The following NEDD4L variants were observed in gnomAD, a reference collection of about 807,000 sequenced individuals.
NEDD4L encodes NEDD4 like E3 ubiquitin protein ligase.
A neutral mutation model predicts 148.9 loss-of-function variants in NEDD4L; 54 were observed. The observed-to-expected ratio is 0.36, with a 90% CI of 0.29 to 0.45. The LOEUF is 0.45. Among genes scored for constraint, NEDD4L ranks in the 20% least tolerant of loss-of-function variants. The pLI is 1.00. For missense variants in NEDD4L, 856 were observed against 1,233.8 expected (o/e 0.69, Z 4.59); for synonymous variants, 433 against 440.7 (o/e 0.98, Z 0.22).
At chr18:58,387,353 GCT>G in intron 26 of NEDD4L, 84 bp from the exon 27 acceptor site, 1 of 1,419,908 alleles carries the variant, frequency 7.0e-7, no homozygotes, top group Non-Finnish European at 9.3e-7. Flanking sequence ...TTTTTTTCTG[GCT>G]AACCAGAAAA....
At chr18:58,149,423 A>G in intron 1 of NEDD4L, 1 of 1,516,010 alleles carries the variant, frequency 6.6e-7, no homozygotes, top group Non-Finnish European at 8.9e-7. Flanking sequence ...CGGCAGTGGA[A>G]AGTTACCCTT....
intron 24 of NEDD4L, among the ~76,000 whole-genome samples, 199 bp downstream of exon 24, chr18:58,373,468 C>G (rs1321549573): frequency 6.6e-6 from 1 of 152,206 alleles, no homozygotes; most frequent in African/African-American, 2.4e-5. Context: ...TCTCTTCCAG[C>G]AAAGTTACAG....
At chr18:58,346,942 GGT>G (rs1274325578) in intron 16 of NEDD4L, among the ~76,000 whole-genome samples, 1 of 152,012 alleles carries the variant, frequency 6.6e-6, no homozygotes, top group African/African-American at 2.4e-5. Context: ...TGAGTGGCTC[GGT>G]GGGAGTCAGG....
At chr18:58,095,153 C>A (rs1052802697) in intron 1 of NEDD4L, among the ~76,000 whole-genome samples, 1 of 152,210 alleles carries the variant, frequency 6.6e-6, no homozygotes, top group Non-Finnish European at 1.5e-5. Context: ...TCCTTCCACT[C>A]CCAACTCACT....
chr18:58,349,581 A>T lies in NEDD4L; in HGVS notation c.1620A>T (p.Thr540=). The T allele has an allele frequency of 6.2e-7, 1 of 1,614,030 alleles. No individual in the cohort carries two copies. Among genetic ancestry groups the T allele is most frequent in the Non-Finnish European group, 8.5e-7 (1 of 1,179,874 alleles). The part of the protein sequence containing the change: ...LKFPVHMRSK[T]SLNPNDLGPL... ...TTCCAGTACATATGCGGTCAAAGAC[A>T]TCTTTAAACCCCAATGACCTTGGCC... Residue 540 remains threonine, a synonymous_variant, in exon 17 of 31, where the codon ACA becomes ACT. Transcript: ENST00000400345.
At chr18:58,192,796 A>T (rs1267307085) in intron 2 of NEDD4L, among the ~76,000 whole-genome samples, 2 of 152,214 alleles carry the variant, frequency 1.3e-5, no homozygotes, top group African/African-American at 4.8e-5. Flanking sequence ...GGAATTTATC[A>T]TCACTTGCTA....
chr18:58,344,543 A>C (rs1452389132), intron 16 of NEDD4L, among the ~76,000 whole-genome samples: 1 of 152,224 alleles, frequency 6.6e-6, no homozygotes, highest in African/African-American at 2.4e-5. Flanking sequence ...TGGCCTGCCA[A>C]GAGAATTTCT....
intron 11 of NEDD4L, among the ~76,000 whole-genome samples, chr18:58,333,366 G>C (rs1307179504): frequency 6.6e-6 from 1 of 151,626 alleles, no homozygotes; most frequent in Non-Finnish European, 1.5e-5. Context: ...TCTGAATATA[G>C]GATGCAACTG....
At chr18:58,255,069 G>A (rs1354765206) in intron 5 of NEDD4L, among the ~76,000 whole-genome samples, 2 of 152,166 alleles carry the variant, frequency 1.3e-5, no homozygotes, top group African/African-American at 2.4e-5. Context: ...TCCGTGTGGC[G>A]GAAGGTGGGA....
intron 24 of NEDD4L, among the ~76,000 whole-genome samples, chr18:58,377,030 G>A (rs149296067): frequency 6.3e-4 from 96 of 152,322 alleles, no homozygotes; most frequent in African/African-American, 2.0e-3. Context: ...TACCACAGAC[G>A]ACTTTGCATT....
intron 25 of NEDD4L, 127 bp downstream of exon 25, chr18:58,383,446 T>C: frequency 1.6e-6 from 1 of 618,936 alleles, no homozygotes. Context: ...TTCAACAAGG[T>C]AAGTTCTTTT....
At chr18:58,182,940 A>G (rs775630321) in intron 2 of NEDD4L, among the ~76,000 whole-genome samples, 3 of 152,044 alleles carry the variant, frequency 2.0e-5, no homozygotes, top group African/African-American at 7.2e-5. Context: ...CTCCTCCCTC[A>G]CTGCTGGGTC....
At chr18:58,234,275 C>G (rs1396301751) in intron 2 of NEDD4L, among the ~76,000 whole-genome samples, 1 of 134,714 alleles carries the variant, frequency 7.4e-6, no homozygotes, top group African/African-American at 2.9e-5. Flanking sequence ...TTCCTCCCTC[C>G]CTTCCCCCCT....
At chr18:58,271,268 A>C (rs571086680) in intron 5 of NEDD4L, among the ~76,000 whole-genome samples, 3 of 152,118 alleles carry the variant, frequency 2.0e-5, no homozygotes, top group Non-Finnish European at 4.4e-5. Context: ...TGAATTTCCT[A>C]CTGTGCTGTT....
chr18:58,343,159 C>A, intron 16 of NEDD4L, 56 bp downstream of exon 16: 1 of 1,458,304 alleles, frequency 6.9e-7, no homozygotes, highest in Non-Finnish European at 9.3e-7. Flanking sequence ...GGCATTAATT[C>A]CTTGATTTCC....
intron 2 of NEDD4L, among the ~76,000 whole-genome samples, chr18:58,173,057 A>C (rs1005360983): frequency 6.6e-6 from 1 of 152,162 alleles, no homozygotes; most frequent in Non-Finnish European, 1.5e-5. Context: ...TTGCTAAGTA[A>C]GATCTTAAAG....
chr18:58,315,824 C>T (rs912562574), intron 5 of NEDD4L, among the ~76,000 whole-genome samples, 158 bp from the exon 6 acceptor site: 3 of 152,280 alleles, frequency 2.0e-5, no homozygotes, highest in South Asian at 2.1e-4. Context: ...CCTGGTCTCC[C>T]GGGGTGTGGT....
intron 5 of NEDD4L, among the ~76,000 whole-genome samples, 171 bp from the exon 6 acceptor site, chr18:58,315,811 G>A (rs1165570858): frequency 1.3e-5 from 2 of 152,178 alleles, no homozygotes; most frequent in African/African-American, 4.8e-5. Context: ...AGGCGCACGG[G>A]CTCCTGGTCT....
chr18:58,394,047 C>T (rs2050164175), intron 30 of NEDD4L, among the ~76,000 whole-genome samples: 1 of 152,190 alleles, frequency 6.6e-6, no homozygotes, highest in South Asian at 2.1e-4. Context: ...ATGCATCTTC[C>T]ACGTGAGGAC....
Sources: allele counts gnomAD v4.1 joint callset (sites outside exome capture counted in the v4.1 genomes callset), GRCh38; gene constraint gnomAD v4.1.1; transcripts MANE v1.5; gene names NCBI Gene and HGNC (gene_info 2026-07-23, HGNC 2026-07-21).